DMRT1: variants seen among roughly 807,000 people sequenced by gnomAD.
DMRT1 encodes doublesex- and mab-3-related transcription factor 1.
In DMRT1, 7 loss-of-function variants were observed where a neutral mutation model predicts 32.3. That is an observed-to-expected ratio of 0.22 (90% CI 0.12 to 0.41). The LOEUF is 0.41. DMRT1 is among the 10% of genes least tolerant of loss of function. DMRT1 has a pLI of 1.00. For synonymous variants in DMRT1, 278 were observed against 206.1 expected (o/e 1.35, Z -2.99); for missense variants, 625 against 500.5 (o/e 1.25, Z -2.37).
rs948716176 is a variant in DMRT1 at position 842,320 on chromosome 9, C to T, written c.354+128C>T. 7.4e-6 allele frequency: 9 copies of T among 1,215,118 alleles called. No individual in the cohort carries two copies. The African/African-American group carries it at 1.3e-4, about 17-fold the overall frequency. 75.3% of individuals were successfully genotyped at this position (1,215,118 alleles called of 1,614,324 possible). ...CGCGATCTTGGCTCACTGCAACCTC[C>T]GCTTCCCGGGTTCAAGCAATTCTCC... is the stretch of plus-strand genomic sequence containing the variant. On this transcript the variant is annotated intron_variant, in intron 1 of 4. Transcript: ENST00000382276.
chr9:952,034 T>C (rs1819444153), intron 4 of DMRT1, among the ~76,000 whole-genome samples: 2 of 152,174 alleles, frequency 1.3e-5, no homozygotes, highest in South Asian at 4.1e-4. Context: ...TTTCCTTTAA[T>C]AGATGAGGAA....
Position 847,025 on chromosome 9 carries a change from C to A in DMRT1, c.420C>A (p.Pro140=). 15 of 1,614,140 alleles carry A rather than the reference C, an allele frequency of 9.3e-6. No homozygotes were observed. Among genetic ancestry groups the A allele is most frequent in the Non-Finnish European group, 1.3e-5 (15 of 1,180,034 alleles). ...ELGISHPIPL[P]SAAELLVKRE... Reference sequence around the variant, plus strand: ...GTATCAGCCACCCCATCCCACTGCCCAGTGCGGCCGAGCTGCTTGTCAAAA... The same window carrying A: ...GTATCAGCCACCCCATCCCACTGCCAAGTGCGGCCGAGCTGCTTGTCAAAA... Residue 140 remains proline, a synonymous_variant, in exon 2 of 5, where the codon CCC becomes CCA. Coordinates refer to ENST00000382276, the MANE Select transcript of DMRT1 (RefSeq NM_021951.3).
At position 871,478 on chromosome 9, in the gene DMRT1, A is replaced by T. The variant is rs527293695; in HGVS notation, c.539-22434A>T. ...CTCCAGAGTAGCTGGGACTACAGGC[A>T]TGCGCCACCACGCCCGGCTAATTTT... On this transcript the variant is annotated intron_variant, in intron 2 of 4. Transcript: ENST00000382276. Among the ~76,000 whole-genome samples, 86 of 140,562 alleles carry T rather than the reference A, an allele frequency of 6.1e-4. 1 individual carries two copies. Among genetic ancestry groups the T allele is most frequent in the African/African-American group, 1.2e-3 (43 of 35,898 alleles). 92.2% of individuals were successfully genotyped at this position (140,562 alleles called of 152,430 possible). A position where few individuals can be genotyped will look rare whatever the true frequency, so the allele number is the denominator to read the frequency against.
intron 2 of DMRT1, among the ~76,000 whole-genome samples, chr9:849,728 G>A (rs1357705523): frequency 2.0e-5 from 3 of 152,160 alleles, no homozygotes; most frequent in African/African-American, 7.2e-5. Context: ...AGGGGCATGT[G>A]GAAGCCTACA....
chr9:901,668 G>T (rs1564237117), intron 3 of DMRT1, among the ~76,000 whole-genome samples: 1 of 146,912 alleles, frequency 6.8e-6, no homozygotes. Flanking sequence ...CTTCACATGA[G>T]TTTTTTTTTT....
In DMRT1 at chr9:841,885, C is replaced by T; in HGVS notation, c.47C>T (p.Ala16Val). ...AGCAAGCCCTCTACACCGTCGGAAG[C>T]CCCTCACGCCCCCGGGGTACCGCCG... is the stretch of plus-strand genomic sequence containing the variant. ...AFSKPSTPSEAPHAPGVPPQG... is the reference protein window; with the variant it reads ...AFSKPSTPSEVPHAPGVPPQG... Residue 16 changes from alanine (A) to valine (V), a missense_variant, in exon 1 of 5, where the codon GCC becomes GTC. By Grantham distance (64) the Ala-to-Val change is moderately conservative. This residue lies in a region of DMRT1 where 201 missense variants were observed against 152.0 expected (regional missense o/e 1.32). Coordinates refer to ENST00000382276, the MANE Select transcript of DMRT1 (RefSeq NM_021951.3). The T allele has an allele frequency of 1.2e-6, 2 of 1,611,906 alleles. No homozygotes were observed. The highest frequency in any genetic ancestry group is 1.7e-6 in the Non-Finnish European group (2 of 1,179,202).
At chr9:894,315 GACAC>G (rs1239644718) in intron 3 of DMRT1, 120 bp downstream of exon 3, 37 of 1,066,064 alleles carry the variant, frequency 3.5e-5, no homozygotes, top group Non-Finnish European at 4.6e-5. Flanking sequence ...ACACACAGGT[GACAC>G]ACACAGGTAC....
chr9:919,929 C>T (rs571507377), intron 4 of DMRT1, among the ~76,000 whole-genome samples: 6 of 152,136 alleles, frequency 3.9e-5, no homozygotes, highest in Non-Finnish European at 8.8e-5. Flanking sequence ...AATTTTTGAC[C>T]TGACCAATTG....
intron 4 of DMRT1, among the ~76,000 whole-genome samples, chr9:928,674 C>T (rs10114238): frequency 0.052 from 7,875 of 152,068 alleles, 502 homozygotes; most frequent in African/African-American, 0.15. Flanking sequence ...CAGGGTGGGT[C>T]GGCCCAACAT....
At chr9:957,813 C>A (rs1001291246) in intron 4 of DMRT1, among the ~76,000 whole-genome samples, 3 of 151,918 alleles carry the variant, frequency 2.0e-5, no homozygotes, top group African/African-American at 7.3e-5. Context: ...AGTTCGAGAC[C>A]AGCCTGACCA....
intron 2 of DMRT1, among the ~76,000 whole-genome samples, chr9:888,734 CA>C (rs897993981): frequency 1.4e-5 from 2 of 143,400 alleles, no homozygotes; most frequent in African/African-American, 5.5e-5. Context: ...GCGATGCAGT[CA>C]GGGGCATGAA....
chr9:874,672 A>G (rs1355493043), intron 2 of DMRT1, among the ~76,000 whole-genome samples: 1 of 152,104 alleles, frequency 6.6e-6, no homozygotes, highest in Non-Finnish European at 1.5e-5. Flanking sequence ...CTTGAGTGAA[A>G]TTTAGGTATG....
At chr9:863,504 C>G (rs1344613879) in intron 2 of DMRT1, among the ~76,000 whole-genome samples, 1 of 152,150 alleles carries the variant, frequency 6.6e-6, no homozygotes, top group South Asian at 2.1e-4. Context: ...CCTCTACAGG[C>G]TAGCAACAGC....
chr9:949,364 C>T (rs200956153), intron 4 of DMRT1, among the ~76,000 whole-genome samples: 19 of 151,150 alleles, frequency 1.3e-4, no homozygotes, highest in Non-Finnish European at 1.8e-4. Context: ...GACCCTCTCT[C>T]GGGGAAAAAA....
At chr9:872,393 A>G (rs1816312044) in intron 2 of DMRT1, among the ~76,000 whole-genome samples, 1 of 152,230 alleles carries the variant, frequency 6.6e-6, no homozygotes, top group African/African-American at 2.4e-5. Context: ...TGTTTAATAT[A>G]TTCACAGAGT....
chr9:899,107 A>C (rs915857597), intron 3 of DMRT1, among the ~76,000 whole-genome samples: 1 of 152,152 alleles, frequency 6.6e-6, no homozygotes, highest in African/African-American at 2.4e-5. Context: ...TGATTTTTGT[A>C]TCCTGTAGGA....
chr9:897,683 TA>T (rs746144458), intron 3 of DMRT1, among the ~76,000 whole-genome samples: 4 of 152,194 alleles, frequency 2.6e-5, no homozygotes, highest in Non-Finnish European at 5.9e-5. Flanking sequence ...AAGAATGTTT[TA>T]AAATCATGTT....
At chr9:891,244 C>T (rs1316663138) in intron 2 of DMRT1, among the ~76,000 whole-genome samples, 1 of 147,466 alleles carries the variant, frequency 6.8e-6, no homozygotes, top group Non-Finnish European at 1.5e-5. Flanking sequence ...CTCAGGAGTT[C>T]GAGATCAGCC....
chr9:902,050 C>G (rs1564237654), intron 3 of DMRT1, among the ~76,000 whole-genome samples: 1 of 151,078 alleles, frequency 6.6e-6, no homozygotes, highest in Non-Finnish European at 1.5e-5. Flanking sequence ...GCTGGGATTA[C>G]AGGCGTGCAC....
Sources: allele counts gnomAD v4.1 joint callset (sites outside exome capture counted in the v4.1 genomes callset), GRCh38; gene constraint gnomAD v4.1.1; regional missense constraint gnomAD v4.1.1; transcripts MANE v1.5; gene names NCBI Gene and HGNC (gene_info 2026-07-23, HGNC 2026-07-21).